Variants in AGRN observed in about 807,000 individuals in gnomAD.
AGRN encodes agrin, also known as agrin proteoglycan.
Under a neutral mutation model 211.0 loss-of-function variants are expected in AGRN, and 106 were observed. The ratio of observed to expected loss-of-function variants is 0.50; its 90% CI spans 0.43 to 0.59. The LOEUF (loss-of-function observed/expected upper bound fraction) is 0.59, where lower values mean the gene tolerates loss of function less well. Ranked by LOEUF, AGRN falls within the 20% of genes least tolerant of loss-of-function variation. The pLI is 0.00. For synonymous variants in AGRN, 1,525 were observed against 1,332.5 expected (o/e 1.14, Z -3.15); for missense variants, 3,040 against 2,982.6 (o/e 1.02, Z -0.45).
At chr1:1,021,024 C>T (rs973772901) in intron 1 of AGRN, among the ~76,000 whole-genome samples, 1 of 152,096 alleles carries the variant, frequency 6.6e-6, no homozygotes, top group Admixed American at 6.5e-5. Context: ...GGGGTAGGTA[C>T]GCTGGGACCC....
At position 1,022,283 on chromosome 1, in the gene AGRN, G is replaced by A. The variant is rs1557681900; in HGVS notation, c.284G>A (p.Ser95Asn). ...LLDGGNKVVI[S>N]GFGDPLICDN... ...GACGGCGGCAACAAGGTGGTGATCA[G>A]CGGCTTTGGAGACCCCCTCATCTGT... Residue 95 changes from serine (S) to asparagine (N), a missense_variant, in exon 2 of 36, where the codon AGC becomes AAC. Ser to Asn is a conservative substitution (Grantham distance 46). Coordinates refer to ENST00000379370, the MANE Select transcript of AGRN (RefSeq NM_198576.4). 1 of 1,613,320 alleles carries A rather than the reference G, an allele frequency of 6.2e-7. No individual in the cohort carries two copies. Among genetic ancestry groups the A allele is most frequent in the East Asian group, 2.2e-5 (1 of 44,888 alleles).
In AGRN at chr1:1,041,350, C is replaced by G. The variant is rs759162806; in HGVS notation, c.905C>G (p.Ala302Gly). ...GGCGAGTGCCAGCTCCTGCGCCGCG[C>G]CTGCGCCCGCCAGGAGAATGTCTTC... ...YPGECQLLRRACARQENVFKK... is the reference protein window; with the variant it reads ...YPGECQLLRRGCARQENVFKK... Residue 302 changes from alanine (A) to glycine (G), a missense_variant, in exon 5 of 36, where the codon GCC becomes GGC. Ala to Gly is a moderately conservative substitution (Grantham distance 60, BLOSUM62 0). This residue lies in a region of AGRN where 1,498 missense variants were observed against 1,457.8 expected (regional missense o/e 1.03). Transcript: ENST00000379370. 37 of 1,529,808 alleles carry G rather than the reference C, an allele frequency of 2.4e-5. No individual in the cohort carries two copies. The highest frequency in any genetic ancestry group is 3.2e-5 in the Non-Finnish European group (37 of 1,145,074). The allele number at this position is 1,529,808 out of a possible 1,614,324, so 94.8% of individuals were successfully genotyped here. A position where few individuals can be genotyped will look rare whatever the true frequency, so the allele number is the denominator to read the frequency against.
Position 1,055,139 on chromosome 1 carries a change from A to T in AGRN, c.*158A>T, listed in dbSNP as rs2100705350. 8.6e-7 allele frequency: 1 copy of T among 1,162,794 alleles called. No homozygotes were observed. The highest frequency in any genetic ancestry group is 1.4e-5 in the South Asian group (1 of 71,506). The allele number at this position is 1,162,794 out of a possible 1,614,324, so 72.0% of individuals were successfully genotyped here. On this transcript the variant is annotated 3_prime_UTR_variant, in exon 36 of 36. Coordinates refer to ENST00000379370, the MANE Select transcript of AGRN (RefSeq NM_198576.4). ...CGTGCTGCAGACAGACCTAGTGCCG[A>T]GGGATGGACAGGCGAGGTGGCAGCG...
chr1:1,042,632 G>A (rs768363337), intron 7 of AGRN, among the ~76,000 whole-genome samples: 6 of 152,148 alleles, frequency 3.9e-5, no homozygotes, highest in Admixed American at 6.5e-5. Context: ...TTCTCTCTGC[G>A]TCTGTCTCTT....
Position 1,020,255 on chromosome 1 carries a change from GC to G in AGRN, c.84del (p.Thr30HisfsTer45). 6.9e-7 allele frequency: 1 copy of G among 1,459,488 alleles called. No individual in the cohort carries two copies. Among genetic ancestry groups the G allele is most frequent in the Non-Finnish European group, 9.0e-7 (1 of 1,105,608 alleles). 90.4% of individuals were successfully genotyped at this position (1,459,488 alleles called of 1,614,324 possible). Reference protein sequence around the residue: ...VVAACVLPGAGGTCPERALER... With the variant: ...VVAACVLPGAXGTCPERALER... ...GCCGCGTGCGTCCTGCCCGGAGCCG[GC>G]GGGACATGCCCGGAGCGCGCGCTGG... is the stretch of plus-strand genomic sequence containing the variant. On this transcript the variant is annotated frameshift_variant, in exon 1 of 36. Coordinates refer to ENST00000379370, the MANE Select transcript of AGRN (RefSeq NM_198576.4). LOFTEE classifies it high-confidence loss of function.
intron 2 of AGRN, among the ~76,000 whole-genome samples, chr1:1,027,468 G>C (rs577674898): frequency 1.3e-5 from 2 of 152,292 alleles, no homozygotes; most frequent in East Asian, 3.9e-4. Context: ...CCTCGTGCAC[G>C]TGTCTCGCCT....
rs1267327970 is a variant in AGRN at position 1,055,287 on chromosome 1, T to TCAC, written c.*308_*310dup. On this transcript the variant is annotated 3_prime_UTR_variant, in exon 36 of 36. Coordinates refer to ENST00000379370, the MANE Select transcript of AGRN (RefSeq NM_198576.4). ...CCGGGAAGCAGCCCCGGCTCCTGAA[T>TCAC]CACCCTCGCTCCGTCAGGCGGGACT... The TCAC allele has an allele frequency of 1.1e-5, 5 of 438,354 alleles. No individual in the cohort carries two copies. The highest frequency in any genetic ancestry group is 2.0e-5 in the African/African-American group (1 of 49,902). 27.2% of individuals were successfully genotyped at this position (438,354 alleles called of 1,614,324 possible). A position where few individuals can be genotyped will look rare whatever the true frequency, so the allele number is the denominator to read the frequency against.
rs1644906726 is a variant in AGRN at position 1,040,720 on chromosome 1, G to C, written c.567G>C (p.Gly189=). The change falls in exon 4 of 36, where the codon GGG becomes GGC. Residue 189 remains glycine, a synonymous_variant. Transcript: ENST00000379370. ...CCGTGTGCGAGCCCAACGCGGAGGG[G>C]CCGGGCCGGGCGTCCTGCGTCTGCA... The part of the protein sequence containing the change: ...FGAVCEPNAE[G]PGRASCVCKK... 1 of 1,546,492 alleles carries C rather than the reference G, an allele frequency of 6.5e-7. No individual in the cohort carries two copies. Among genetic ancestry groups the C allele is most frequent in the South Asian group, 1.2e-5 (1 of 84,042 alleles).
intron 2 of AGRN, among the ~76,000 whole-genome samples, chr1:1,022,964 G>A (rs1164928419): frequency 1.3e-5 from 2 of 152,246 alleles, no homozygotes; most frequent in Non-Finnish European, 2.9e-5. Context: ...TGTTCCCATG[G>A]CTCTGCCGAA....
intron 30 of AGRN, 27 bp downstream of exon 30, chr1:1,050,864 TC>T: frequency 6.5e-7 from 1 of 1,532,218 alleles, no homozygotes; most frequent in Non-Finnish European, 8.8e-7. Context: ...GCGAGGGGAC[TC>T]CCGCTGCTGC....
chr1:1,034,220 G>A (rs917545063), intron 2 of AGRN: 2 of 985,306 alleles, frequency 2.0e-6, no homozygotes, highest in Middle Eastern at 1.0e-3. Flanking sequence ...GCGGCTCCGG[G>A]GGCTCCGGGA....
rs970363555 is a variant in AGRN at position 1,031,850 on chromosome 1, C to T, written c.464-3427C>T. On this transcript the variant is annotated intron_variant, in intron 2 of 35. Transcript: ENST00000379370. The surrounding 1 kb of genome is among the most constrained non-coding windows in gnomAD (Gnocchi z 4.8). ...GGCGGGCTGGCGCGTGACCTGGTAG[C>T]ACGGCCTGGGTTTGACCCTGGCACT... 2.0e-5 allele frequency among the ~76,000 whole-genome samples: 3 copies of T among 152,214 alleles called. No homozygotes were observed. The highest frequency in any genetic ancestry group is 2.9e-5 in the Non-Finnish European group (2 of 68,032).
At chr1:1,035,379 A>G in intron 3 of AGRN, 55 bp downstream of exon 3, 8 of 1,601,924 alleles carry the variant, frequency 5.0e-6, no homozygotes, top group Non-Finnish European at 6.8e-6. Flanking sequence ...CTTGGGAGTC[A>G]GGGGCCATTT....
intron 3 of AGRN, among the ~76,000 whole-genome samples, chr1:1,038,493 G>A (rs1644853474): frequency 6.6e-6 from 1 of 152,226 alleles, no homozygotes; most frequent in South Asian, 2.1e-4. Flanking sequence ...CTTCCCCAAG[G>A]CTCTGTCTTG....
Position 1,048,373 on chromosome 1 carries a change from T to G in AGRN, c.4105+8T>G. 1 of 1,439,984 alleles carries G rather than the reference T, an allele frequency of 6.9e-7. No homozygotes were observed. The highest frequency in any genetic ancestry group is 9.2e-7 in the Non-Finnish European group (1 of 1,088,524). The allele number at this position is 1,439,984 out of a possible 1,614,324, so 89.2% of individuals were successfully genotyped here. ...GCGCCGTCTGTGAGAAGGGTAAGGA[T>G]GTCCACTGCAGAGGAGGGCGGGGAG... On this transcript the variant is annotated splice_region_variant and intron_variant, in intron 23 of 35. Coordinates refer to ENST00000379370, the MANE Select transcript of AGRN (RefSeq NM_198576.4). The surrounding 1 kb of genome is among the most constrained non-coding windows in gnomAD (Gnocchi z 5.9).
At position 1,048,721 on chromosome 1, in the gene AGRN, C is replaced by T. The variant is rs1033561039; in HGVS notation, c.4106-146C>T. On this transcript the variant is annotated intron_variant, in intron 23 of 35. Coordinates refer to ENST00000379370, the MANE Select transcript of AGRN (RefSeq NM_198576.4). The surrounding 1 kb of genome is among the most constrained non-coding windows in gnomAD (Gnocchi z 5.9). The stretch of plus-strand genomic sequence containing the variant: ...GGCGGAGGTTGCGGTGAGCCAGGAT[C>T]GCGCCACTGCACTCCAGCCGGGGCA... 1.4e-4 allele frequency: 133 copies of T among 962,268 alleles called. No individual in the cohort carries two copies. Among genetic ancestry groups the T allele is most frequent in the Non-Finnish European group, 1.8e-4 (122 of 672,214 alleles). The allele number at this position is 962,268 out of a possible 1,614,324, so 59.6% of individuals were successfully genotyped here. A position where few individuals can be genotyped will look rare whatever the true frequency, so the allele number is the denominator to read the frequency against.
rs199577370 is a variant in AGRN at position 1,045,501 on chromosome 1, C to G, written c.2514C>G (p.Thr838=). 2 of 1,612,830 alleles carry G rather than the reference C, an allele frequency of 1.2e-6. No individual in the cohort carries two copies. The highest frequency in any genetic ancestry group is 2.7e-5 in the African/African-American group (2 of 74,930). The change falls in exon 14 of 36, where the codon ACC becomes ACG. Residue 838 remains threonine (T), a synonymous_variant. Coordinates refer to ENST00000379370, the MANE Select transcript of AGRN (RefSeq NM_198576.4). ...TCTGGAACTTTCGAGGCATCGTCAC[C>G]GATGGCCGGAGTGGCTGTACACGTG... ...PGFWNFRGIV[T]DGRSGCTPCS...
rs1441413799 is a variant in AGRN at position 1,046,104 on chromosome 1, T to C, written c.2805+16T>C. 6.2e-6 allele frequency: 10 copies of C among 1,613,944 alleles called. No individual in the cohort carries two copies. Among genetic ancestry groups the C allele is most frequent in the Non-Finnish European group, 8.5e-6 (10 of 1,179,980 alleles). On this transcript the variant is annotated intron_variant, in intron 16 of 35. Coordinates refer to ENST00000379370, the MANE Select transcript of AGRN (RefSeq NM_198576.4). ...CGCTACCAAGGTGAGGGGTGTGGGA[T>C]GTGAAGGGGAGTGGGGAGGAGGCCT...
Position 1,031,749 on chromosome 1 carries a change from C to A in AGRN, c.464-3528C>A, listed in dbSNP as rs941070206. Among the ~76,000 whole-genome samples, 1 of 152,212 alleles carries A rather than the reference C, an allele frequency of 6.6e-6. No homozygotes were observed. Among genetic ancestry groups the A allele is most frequent in the African/African-American group, 2.4e-5 (1 of 41,446 alleles). On this transcript the variant is annotated intron_variant, in intron 2 of 35. Transcript: ENST00000379370. This position sits in a 1 kb window ranked among gnomAD's most constrained non-coding sequence, Gnocchi z 4.8. Reference sequence around the variant, plus strand: ...CAGCCCGTACCTGGGGCTCCCCCACCCCTCCCACATTGTGGTACCTGTCCT... The same window carrying A: ...CAGCCCGTACCTGGGGCTCCCCCACACCTCCCACATTGTGGTACCTGTCCT...
Sources: allele counts gnomAD v4.1 joint callset (sites outside exome capture counted in the v4.1 genomes callset), GRCh38; gene constraint gnomAD v4.1.1; regional missense constraint gnomAD v4.1.1; non-coding constraint Gnocchi (gnomAD v3.1); transcripts MANE v1.5; gene names NCBI Gene and HGNC (gene_info 2026-07-23, HGNC 2026-07-21).